Variants in SLCO6A1 observed in about 807,000 individuals in gnomAD.
SLCO6A1 encodes solute carrier organic anion transporter family member 6A1.
SLCO6A1 carries 65 observed loss-of-function variants against 72.7 expected under a neutral mutation model. That is an observed-to-expected ratio of 0.89 (90% CI 0.73 to 1.10). The LOEUF (loss-of-function observed/expected upper bound fraction) is 1.10. Ranked by LOEUF, SLCO6A1 falls within the 50% of genes least tolerant of loss-of-function variation. The probability of loss-of-function intolerance (pLI) is 0.00; values close to 1 mark genes in which losing one functional copy is unlikely to be tolerated. For missense variants in SLCO6A1, 874 were observed against 872.6 expected, an observed-to-expected ratio of 1.00 and a Z score of -0.02; for synonymous variants, 314 against 298.2, an observed-to-expected ratio of 1.05 and a Z score of -0.55.
intron 9 of SLCO6A1, among the ~76,000 whole-genome samples, chr5:102,412,519 G>A (rs1179550415): frequency 1.3e-5 from 2 of 152,156 alleles, no homozygotes; most frequent in Admixed American, 1.3e-4. Context: ...AGTTTTGGAG[G>A]TGAGACCAAG....
chr5:102,433,362 T>C (rs1478067539), intron 7 of SLCO6A1, among the ~76,000 whole-genome samples: 2 of 152,178 alleles, frequency 1.3e-5, no homozygotes, highest in East Asian at 1.9e-4. Context: ...ATTGTCAGAG[T>C]TCTCGTGCTG....
chr5:102,455,621 A>G (rs995306899), intron 6 of SLCO6A1, among the ~76,000 whole-genome samples: 5 of 152,208 alleles, frequency 3.3e-5, no homozygotes, highest in African/African-American at 1.2e-4. Context: ...TTACTTAAAC[A>G]TAATAAAAAA....
intron 9 of SLCO6A1, among the ~76,000 whole-genome samples, 199 bp downstream of exon 9, chr5:102,412,789 AAC>A (rs1311172525): frequency 2.0e-5 from 3 of 152,022 alleles, no homozygotes; most frequent in African/African-American, 7.2e-5. Flanking sequence ...AAAAAAAAAA[AAC>A]AAATTTTATT....
At chr5:102,381,284 T>C (rs1476999821) in intron 12 of SLCO6A1, among the ~76,000 whole-genome samples, 1 of 151,804 alleles carries the variant, frequency 6.6e-6, no homozygotes, top group Non-Finnish European at 1.5e-5. Context: ...TGCTTCTGTT[T>C]GATTTTTTTA....
Position 102,389,214 on chromosome 5 carries a change from C to T in SLCO6A1, c.1880-389G>A, listed in dbSNP as rs75339695. Among the ~76,000 whole-genome samples, 1,240 of 152,096 alleles carry T rather than the reference C, an allele frequency of 8.2e-3. 12 individuals are homozygous for T. Among genetic ancestry groups the T allele is most frequent in the Non-Finnish European group, 0.015 (1,008 of 67,978 alleles). ...ATATCTTTAATTGTAAAATTTTCAA[C>T]GACTGAAAAATGAGTTTGCAAATGT... On this transcript the variant is annotated intron_variant, in intron 11 of 13. Transcript: ENST00000506729.
chr5:102,396,501 C>T (rs1018661029), intron 10 of SLCO6A1, among the ~76,000 whole-genome samples: 11 of 152,138 alleles, frequency 7.2e-5, no homozygotes, highest in African/African-American at 2.7e-4. Flanking sequence ...TATGTAGTTC[C>T]ACAGTTCTCC....
At chr5:102,475,596 G>C in intron 4 of SLCO6A1, 101 bp downstream of exon 4, 1 of 675,500 alleles carries the variant, frequency 1.5e-6, no homozygotes, top group South Asian at 2.6e-5. Flanking sequence ...TAAAACTATG[G>C]TTATTACAAA....
intron 12 of SLCO6A1, among the ~76,000 whole-genome samples, chr5:102,380,475 A>G (rs1189676205): frequency 6.6e-6 from 1 of 152,076 alleles, no homozygotes; most frequent in Non-Finnish European, 1.5e-5. Context: ...TGAATGTCAC[A>G]GCCTTTTCCC....
At chr5:102,381,984 T>C (rs1746134859) in intron 12 of SLCO6A1, among the ~76,000 whole-genome samples, 1 of 151,752 alleles carries the variant, frequency 6.6e-6, no homozygotes, top group Non-Finnish European at 1.5e-5. Flanking sequence ...ATCAGATATA[T>C]GGGTTGCAAA....
At chr5:102,375,604 T>G (rs62369303) in intron 12 of SLCO6A1, among the ~76,000 whole-genome samples, 1 of 151,910 alleles carries the variant, frequency 6.6e-6, no homozygotes, top group Non-Finnish European at 1.5e-5. Flanking sequence ...AATCAACAGG[T>G]GGAAACTTTA....
intron 1 of SLCO6A1, among the ~76,000 whole-genome samples, chr5:102,493,277 G>C (rs1183904528): frequency 5.3e-5 from 8 of 152,060 alleles, no homozygotes; most frequent in Admixed American, 2.0e-4. Flanking sequence ...ATTAAGTCCA[G>C]CAATACGCAG....
chr5:102,487,105 C>T (rs111366855), intron 1 of SLCO6A1, among the ~76,000 whole-genome samples: 2,609 of 152,094 alleles, frequency 0.017, 35 homozygotes, highest in African/African-American at 0.033. Context: ...TGAAAATGAG[C>T]AAAATTAAAC....
intron 1 of SLCO6A1, among the ~76,000 whole-genome samples, chr5:102,491,230 A>T (rs1160785460): frequency 6.6e-6 from 1 of 152,164 alleles, no homozygotes; most frequent in Non-Finnish European, 1.5e-5. Flanking sequence ...ACAAATCTTG[A>T]GCTAGATACA....
intron 12 of SLCO6A1, among the ~76,000 whole-genome samples, chr5:102,387,898 T>C (rs1366151538): frequency 6.6e-6 from 1 of 152,102 alleles, no homozygotes; most frequent in Non-Finnish European, 1.5e-5. Flanking sequence ...TTTTCCAAAG[T>C]TATAAAAACA....
intron 6 of SLCO6A1, among the ~76,000 whole-genome samples, chr5:102,458,115 G>A (rs1045664922): frequency 6.6e-6 from 1 of 152,016 alleles, no homozygotes; most frequent in African/African-American, 2.4e-5. Flanking sequence ...GTGGGTGGAG[G>A]GGGGAGGGAT....
intron 8 of SLCO6A1, among the ~76,000 whole-genome samples, chr5:102,417,453 A>G (rs1298680329): frequency 6.6e-6 from 1 of 151,688 alleles, no homozygotes; most frequent in Non-Finnish European, 1.5e-5. Flanking sequence ...TTAAATATCT[A>G]TTTTTTAATA....
chr5:102,445,728 TC>T (rs2112705106), intron 6 of SLCO6A1, among the ~76,000 whole-genome samples: 1 of 152,292 alleles, frequency 6.6e-6, no homozygotes. Flanking sequence ...ATTTAATCCA[TC>T]TTAAGTTGAT....
chr5:102,473,264 G>A (rs1056411891), intron 4 of SLCO6A1, among the ~76,000 whole-genome samples: 2 of 151,944 alleles, frequency 1.3e-5, no homozygotes, highest in African/African-American at 2.4e-5. Flanking sequence ...ATATTAAAGG[G>A]AATATACATC....
chr5:102,456,115 A>C (rs1750698584), intron 6 of SLCO6A1, among the ~76,000 whole-genome samples: 1 of 152,228 alleles, frequency 6.6e-6, no homozygotes, highest in Admixed American at 6.5e-5. Context: ...TCAAAATAAT[A>C]AGACCTATCT....
Sources: allele counts gnomAD v4.1 joint callset (sites outside exome capture counted in the v4.1 genomes callset), GRCh38; gene constraint gnomAD v4.1.1; transcripts MANE v1.5; gene names NCBI Gene and HGNC (gene_info 2026-07-23, HGNC 2026-07-21).